Variants in RERE observed in about 807,000 individuals in gnomAD.
RERE encodes arginine-glutamic acid dipeptide repeats protein.
In RERE, 40 loss-of-function variants were observed where a neutral mutation model predicts 146.1. The ratio of observed to expected loss-of-function variants is 0.27; its 90% CI spans 0.21 to 0.36. The LOEUF (loss-of-function observed/expected upper bound fraction) is 0.36, where lower values mean the gene tolerates loss of function less well. RERE is among the 10% of genes least tolerant of loss of function. The probability of loss-of-function intolerance (pLI) is 1.00; values close to 1 mark genes in which losing one functional copy is unlikely to be tolerated. For synonymous variants in RERE, 1,003 were observed against 866.0 expected (o/e 1.16, Z -2.78); for missense variants, 1,933 against 2,138.7 (o/e 0.90, Z 1.90).
chr1:8,423,494 T>G lies in RERE; in HGVS notation c.1204-687A>C. On this transcript the variant is annotated intron_variant, in intron 11 of 22. Transcript: ENST00000400908. The surrounding 1 kb of genome is among the most constrained non-coding windows in gnomAD (Gnocchi z 5.4). ...TAACCCCAGCCCGGAGACTTTCACT[T>G]TGTCCCATGCCTCCCGAGCACCCCT... 1 of 967,056 alleles carries G rather than the reference T, an allele frequency of 1.0e-6. No individual in the cohort carries two copies. Among genetic ancestry groups the G allele is most frequent in the Non-Finnish European group, 1.2e-6 (1 of 813,228 alleles). 59.9% of individuals were successfully genotyped at this position (967,056 alleles called of 1,614,324 possible).
rs58933208 is a variant in RERE, at chr1:8,617,343, C to CAAAAAAAAAA, written c.397-2667_397-2658dup. Among the ~76,000 whole-genome samples the CAAAAAAAAAA allele has an allele frequency of 2.6e-3, 209 of 80,212 alleles. 10 individuals carry two copies. Among genetic ancestry groups the CAAAAAAAAAA allele is most frequent in the Middle Eastern group, 0.013 (2 of 154 alleles). The allele number at this position is 80,212 out of a possible 152,430, so 52.6% of individuals were successfully genotyped here. ...GGGTGACAAGAGTGAAACTCTGTCT[C>CAAAAAAAAAA]AAAAAAAAAAAAAAGAATTCCATCC... On this transcript the variant is annotated intron_variant, in intron 3 of 22. Coordinates refer to ENST00000400908, the MANE Select transcript of RERE (RefSeq NM_001042681.2).
At chr1:8,775,990 C>T (rs1444846280) in intron 1 of RERE, among the ~76,000 whole-genome samples, 1 of 152,200 alleles carries the variant, frequency 6.6e-6, no homozygotes, top group Non-Finnish European at 1.5e-5. Flanking sequence ...AATCATGCCA[C>T]ACTGCCTCTC....
In RERE at chr1:8,687,666, A is replaced by C. The variant is rs1275844486; in HGVS notation, c.-144-31225T>G. Reference sequence around the variant, plus strand: ...GTAATTTCTCCAAATAATGTGTTGAAAGAGATTACATCCCATTTTCACACC... The same window carrying C: ...GTAATTTCTCCAAATAATGTGTTGACAGAGATTACATCCCATTTTCACACC... On this transcript the variant is annotated intron_variant, in intron 1 of 22. Coordinates refer to ENST00000400908, the MANE Select transcript of RERE (RefSeq NM_001042681.2). 2.0e-5 allele frequency among the ~76,000 whole-genome samples: 3 copies of C among 152,242 alleles called. No individual in the cohort carries two copies. The East Asian group carries it at 5.8e-4, about 29-fold the overall frequency.
intron 1 of RERE, among the ~76,000 whole-genome samples, chr1:8,750,091 C>T (rs545806622): frequency 7.3e-6 from 1 of 136,796 alleles, no homozygotes; most frequent in African/African-American, 2.7e-5. Flanking sequence ...GCCGAGGTTA[C>T]AGTGAGCCAA....
intron 4 of RERE, among the ~76,000 whole-genome samples, chr1:8,588,809 C>A (rs759920025): frequency 6.6e-6 from 1 of 152,200 alleles, no homozygotes; most frequent in African/African-American, 2.4e-5. Flanking sequence ...AAATGTACCA[C>A]CTTAAAACAT....
At chr1:8,372,543 T>TGTGTGTGTGTGTGTGTGTG (rs6143112) in intron 12 of RERE, among the ~76,000 whole-genome samples, 61 of 150,676 alleles carry the variant, frequency 4.0e-4, no homozygotes, top group East Asian at 7.8e-4. Flanking sequence ...TGTGTGTGTG[T>TGTGTGTGTGTGTGTGTGTG]TTTAAATTAA....
intron 1 of RERE, among the ~76,000 whole-genome samples, chr1:8,757,911 T>TACACACACAC (rs35913290): frequency 3.0e-4 from 9 of 30,132 alleles, no homozygotes; most frequent in African/African-American, 7.2e-4. Context: ...CACACATACA[T>TACACACACAC]ACACACACAC....
intron 1 of RERE, among the ~76,000 whole-genome samples, chr1:8,743,345 T>G (rs1271628821): frequency 6.6e-6 from 1 of 152,054 alleles, no homozygotes; most frequent in African/African-American, 2.4e-5. Context: ...GTAGTAGAAT[T>G]TGGGCTTACT....
intron 9 of RERE, among the ~76,000 whole-genome samples, chr1:8,496,681 G>A (rs1306566519): frequency 1.3e-5 from 2 of 152,128 alleles, no homozygotes; most frequent in African/African-American, 2.4e-5. Flanking sequence ...TGTGGTGCCC[G>A]CTCTGTGCCG....
rs142566879 is a variant in RERE, at chr1:8,726,194, G to A, written c.-144-69753C>T. 7.4e-3 allele frequency among the ~76,000 whole-genome samples: 843 copies of A among 113,926 alleles called. 8 individuals carry two copies. Among genetic ancestry groups the A allele is most frequent in the African/African-American group, 0.027 (780 of 28,854 alleles). The allele number at this position is 113,926 out of a possible 152,430, so 74.7% of individuals were successfully genotyped here. ...TTTTGAGACGGAGTCTTGCTCTATC[G>A]CCCAGGCTGGAGTGCAGCAGCGTAA... On this transcript the variant is annotated intron_variant, in intron 1 of 22. Coordinates refer to ENST00000400908, the MANE Select transcript of RERE (RefSeq NM_001042681.2).
At chr1:8,800,120 G>A (rs1641558792) in intron 1 of RERE, among the ~76,000 whole-genome samples, 1 of 151,966 alleles carries the variant, frequency 6.6e-6, no homozygotes, top group African/African-American at 2.4e-5. Flanking sequence ...GGCCAGTGTT[G>A]GTGTATTTTA....
At position 8,359,807 on chromosome 1, in the gene RERE, CGCTCCT is replaced by C. The variant is rs2124364230; in HGVS notation, c.3569_3574del (p.Lys1190_Glu1191del). On this transcript the variant is annotated inframe_deletion, in exon 19 of 23. Transcript: ENST00000400908. ...GCGCTCCCGCTCTCGCTCCCGCTCC[CGCTCCT>C]TCTCCTTCTCCTTCTCCCGCTCTCG... 10 of 1,600,040 alleles carry C rather than the reference CGCTCCT, an allele frequency of 6.2e-6. No individual in the cohort carries two copies. The highest frequency in any genetic ancestry group is 8.5e-6 in the Non-Finnish European group (10 of 1,178,544).
chr1:8,585,300 C>T (rs989744382), intron 4 of RERE, among the ~76,000 whole-genome samples: 13 of 152,058 alleles, frequency 8.5e-5, no homozygotes, highest in Admixed American at 5.2e-4. Context: ...AATGAGACAG[C>T]GTGTTGTATC....
intron 2 of RERE, among the ~76,000 whole-genome samples, chr1:8,638,783 ATTTTTT>A (rs34276909): frequency 5.1e-4 from 51 of 100,334 alleles, no homozygotes; most frequent in African/African-American, 1.6e-3. Context: ...ACGAAAAAAA[ATTTTTT>A]TTTTTTTTTT....
chr1:8,677,404 C>G (rs369169001), intron 1 of RERE, among the ~76,000 whole-genome samples: 2 of 122,150 alleles, frequency 1.6e-5, no homozygotes, highest in Admixed American at 1.1e-4. Context: ...CCAGCCTGGG[C>G]GACAGAGTGA....
intron 19 of RERE, 151 bp downstream of exon 19, chr1:8,359,613 G>A (rs1276742161): frequency 1.5e-5 from 13 of 863,130 alleles, no homozygotes; most frequent in South Asian, 6.2e-5. Flanking sequence ...ACCCGTCAGA[G>A]GTGTGGAGAC....
chr1:8,620,985 T>G (rs7513420), intron 3 of RERE, among the ~76,000 whole-genome samples: 1 of 151,634 alleles, frequency 6.6e-6, no homozygotes, highest in Non-Finnish European at 1.5e-5. Context: ...GATACTATCA[T>G]AGCCTCCACC....
chr1:8,585,146 C>CAAAAAAA (rs3082123), intron 4 of RERE, among the ~76,000 whole-genome samples: 3 of 130,122 alleles, frequency 2.3e-5, no homozygotes, highest in Admixed American at 7.8e-5. Context: ...GACTCCATCT[C>CAAAAAAA]AAAAAAAAAA....
At chr1:8,793,133 GGAGACAGAAT>G (rs1641394657) in intron 1 of RERE, among the ~76,000 whole-genome samples, 1 of 135,076 alleles carries the variant, frequency 7.4e-6, no homozygotes, top group Non-Finnish European at 1.5e-5. Flanking sequence ...CTCCAGCCTG[GGAGACAGAAT>G]GAGACTCCAT....
Sources: allele counts gnomAD v4.1 joint callset (sites outside exome capture counted in the v4.1 genomes callset), GRCh38; gene constraint gnomAD v4.1.1; non-coding constraint Gnocchi (gnomAD v3.1); transcripts MANE v1.5; gene names NCBI Gene and HGNC (gene_info 2026-07-23, HGNC 2026-07-21).